The following ACVR2A variants were observed in gnomAD, a reference collection of about 807,000 sequenced individuals.
The protein encoded by ACVR2A is activin receptor type-2A.
ACVR2A carries 7 observed loss-of-function variants against 61.4 expected under a neutral mutation model. That is an observed-to-expected ratio of 0.11 (90% confidence interval 0.06 to 0.21). ACVR2A has a LOEUF of 0.21. ACVR2A is among the 10% of genes least tolerant of loss of function. The pLI is 1.00. For missense variants in ACVR2A, 322 were observed against 621.7 expected (o/e 0.52, Z 5.13); for synonymous variants, 193 against 208.3 (o/e 0.93, Z 0.63).
chr2:147,869,838 G>T (rs1685965627), intron 1 of ACVR2A, among the ~76,000 whole-genome samples: 1 of 152,004 alleles, frequency 6.6e-6, no homozygotes. Flanking sequence ...TGGAAAAGTG[G>T]TTGTGGTTGA....
intron 4 of ACVR2A, among the ~76,000 whole-genome samples, chr2:147,914,125 G>C (rs1687192476): frequency 6.6e-6 from 1 of 151,986 alleles, no homozygotes; most frequent in South Asian, 2.1e-4. Flanking sequence ...GAAAGGCAGA[G>C]AGGATGCATT....
At chr2:147,905,188 T>A (rs1686960163) in intron 4 of ACVR2A, among the ~76,000 whole-genome samples, 1 of 152,112 alleles carries the variant, frequency 6.6e-6, no homozygotes. Flanking sequence ...CACCTTTCTT[T>A]AGCCTTATTT....
At chr2:147,914,536 T>A (rs1687203436) in intron 4 of ACVR2A, among the ~76,000 whole-genome samples, 1 of 152,046 alleles carries the variant, frequency 6.6e-6, no homozygotes, top group African/African-American at 2.4e-5. Flanking sequence ...TGCCAGTCAG[T>A]CAGTTCCAGA....
intron 9 of ACVR2A, among the ~76,000 whole-genome samples, chr2:147,923,934 A>C (rs183566623): frequency 6.6e-6 from 1 of 152,102 alleles, no homozygotes; most frequent in Non-Finnish European, 1.5e-5. Flanking sequence ...TTATTTTCTG[A>C]GTACTGTAAT....
chr2:147,927,028 A>G (rs1224666183), intron 10 of ACVR2A, 52 bp from the exon 11 acceptor site: 1 of 1,542,698 alleles, frequency 6.5e-7, no homozygotes, highest in Non-Finnish European at 8.8e-7. Context: ...TTGTTTCCTA[A>G]TAGAAAACAA....
chr2:147,922,568 C>G (rs1687409280), intron 8 of ACVR2A, among the ~76,000 whole-genome samples: 2 of 152,026 alleles, frequency 1.3e-5, no homozygotes, highest in Non-Finnish European at 2.9e-5. Context: ...TTTTTAACAT[C>G]AGTCTGTCCT....
chr2:147,913,301 G>A (rs1289631529), intron 4 of ACVR2A, among the ~76,000 whole-genome samples: 1 of 151,756 alleles, frequency 6.6e-6, no homozygotes, highest in Non-Finnish European at 1.5e-5. Context: ...GTACATAAAA[G>A]CTATTAAAAA....
intron 7 of ACVR2A, 35 bp downstream of exon 7, chr2:147,918,627 G>C: frequency 6.4e-7 from 1 of 1,561,094 alleles, no homozygotes; most frequent in Non-Finnish European, 8.6e-7. Flanking sequence ...CCAGATAATT[G>C]AGTATATATT....
At chr2:147,871,825 C>T (rs913340885) in intron 1 of ACVR2A, among the ~76,000 whole-genome samples, 1 of 152,104 alleles carries the variant, frequency 6.6e-6, no homozygotes, top group African/African-American at 2.4e-5. Context: ...TCTTCTTGCT[C>T]TTCTTTTAAT....
At chr2:147,848,353 C>T (rs762932434) in intron 1 of ACVR2A, among the ~76,000 whole-genome samples, 6 of 151,908 alleles carry the variant, frequency 3.9e-5, no homozygotes, top group Non-Finnish European at 8.8e-5. Context: ...GGGGTGAGTC[C>T]CCCTCCCTAC....
intron 5 of ACVR2A, among the ~76,000 whole-genome samples, chr2:147,916,901 C>T (rs773267557): frequency 2.0e-5 from 3 of 151,850 alleles, no homozygotes; most frequent in Non-Finnish European, 4.4e-5. Flanking sequence ...GTCATTCTGC[C>T]GGAATTTCAT....
intron 4 of ACVR2A, among the ~76,000 whole-genome samples, chr2:147,908,425 C>G (rs1458283068): frequency 1.3e-5 from 2 of 152,130 alleles, no homozygotes; most frequent in African/African-American, 4.8e-5. Context: ...CTTGGCCTTT[C>G]TTTGCTTTCC....
chr2:147,917,838 GTCACT>G (rs1687285054), intron 6 of ACVR2A, among the ~76,000 whole-genome samples: 1 of 151,832 alleles, frequency 6.6e-6, no homozygotes, highest in Non-Finnish European at 1.5e-5. Flanking sequence ...TCTTTGATCT[GTCACT>G]AACTTGCAGG....
chr2:147,863,563 G>A (rs1270131250), intron 1 of ACVR2A, among the ~76,000 whole-genome samples: 1 of 152,084 alleles, frequency 6.6e-6, no homozygotes, highest in Non-Finnish European at 1.5e-5. Context: ...ATACTATTTT[G>A]TATGTTTTAT....
chr2:147,903,937 C>T (rs1469084063), intron 4 of ACVR2A, among the ~76,000 whole-genome samples: 1 of 151,908 alleles, frequency 6.6e-6, no homozygotes, highest in Non-Finnish European at 1.5e-5. Flanking sequence ...TGGAATTATA[C>T]TGAGATGATA....
chr2:147,862,298 G>A (rs995188574), intron 1 of ACVR2A, among the ~76,000 whole-genome samples: 3 of 150,728 alleles, frequency 2.0e-5, no homozygotes, highest in Admixed American at 1.3e-4. Flanking sequence ...TTTTTTTTTG[G>A]AGTAGGGGTC....
intron 2 of ACVR2A, chr2:147,896,967 C>CTT: frequency 9.1e-6 from 1 of 109,656 alleles, no homozygotes. Flanking sequence ...CCCCCCGCCC[C>CTT]TTTTTTTTTT....
intron 2 of ACVR2A, 62 bp downstream of exon 2, chr2:147,896,570 G>T (rs1686738069): frequency 1.3e-6 from 2 of 1,486,560 alleles, no homozygotes; most frequent in Non-Finnish European, 9.4e-7. Flanking sequence ...CCCTCTTTTT[G>T]AAAGGGGAAA....
intron 1 of ACVR2A, among the ~76,000 whole-genome samples, chr2:147,877,780 A>G (rs1573670354): frequency 6.6e-6 from 1 of 152,334 alleles, no homozygotes; most frequent in East Asian, 1.9e-4. Flanking sequence ...TTTGTAAACT[A>G]AATGTGAGTA....
Sources: gnomAD v4.1 joint callset for allele counts (sites outside exome capture counted in the v4.1 genomes callset) on GRCh38, gnomAD v4.1.1 for gene constraint, MANE v1.5 for transcripts, NCBI Gene and HGNC (gene_info 2026-07-23, HGNC 2026-07-21) for gene names.